Variants in CCDC6 observed in about 807,000 individuals in gnomAD.
CCDC6 encodes coiled-coil domain containing 6.
A neutral mutation model predicts 56.6 loss-of-function variants in CCDC6; 20 were observed. That is an observed-to-expected ratio of 0.35 (90% CI 0.25 to 0.51). The LOEUF is 0.51. Ranked by LOEUF, CCDC6 falls within the 20% of genes least tolerant of loss-of-function variation. The pLI is 0.95. For synonymous variants in CCDC6, 241 were observed against 234.4 expected (o/e 1.03, Z -0.26); for missense variants, 367 against 601.1 (o/e 0.61, Z 4.07).
intron 1 of CCDC6, among the ~76,000 whole-genome samples, chr10:59,875,324 A>T (rs1401829442): frequency 6.6e-6 from 1 of 152,190 alleles, no homozygotes; most frequent in Non-Finnish European, 1.5e-5. Flanking sequence ...AATATATTTA[A>T]AGTCTGGTAG....
chr10:59,804,083 C>T (rs2070599063), intron 7 of CCDC6, among the ~76,000 whole-genome samples: 1 of 152,050 alleles, frequency 6.6e-6, no homozygotes, highest in Admixed American at 6.5e-5. Flanking sequence ...TATGATGCAT[C>T]TTGGAAATCT....
intron 2 of CCDC6, among the ~76,000 whole-genome samples, chr10:59,841,909 C>T (rs901534868): frequency 5.3e-5 from 8 of 151,902 alleles, no homozygotes; most frequent in Admixed American, 1.3e-4. Flanking sequence ...CCTCATGATC[C>T]GCCAGCCTCA....
intron 2 of CCDC6, among the ~76,000 whole-genome samples, chr10:59,834,652 T>G (rs1328946208): frequency 6.6e-6 from 1 of 152,174 alleles, no homozygotes; most frequent in Non-Finnish European, 1.5e-5. Flanking sequence ...CTGTTTTCCT[T>G]CCAACTGTTT....
intron 1 of CCDC6, among the ~76,000 whole-genome samples, chr10:59,867,561 T>G (rs1207849353): frequency 6.6e-6 from 1 of 152,184 alleles, no homozygotes; most frequent in African/African-American, 2.4e-5. Flanking sequence ...GCCAATCATT[T>G]GTTTGTTTCT....
intron 1 of CCDC6, among the ~76,000 whole-genome samples, chr10:59,889,301 G>A (rs1207475246): frequency 1.3e-5 from 2 of 152,212 alleles, no homozygotes; most frequent in Non-Finnish European, 2.9e-5. Context: ...GGCTTCTGAG[G>A]CAGGAGGAAG....
At chr10:59,826,746 T>C (rs2070791586) in intron 3 of CCDC6, among the ~76,000 whole-genome samples, 1 of 152,180 alleles carries the variant, frequency 6.6e-6, no homozygotes, top group African/African-American at 2.4e-5. Flanking sequence ...TGTCCATACC[T>C]GAAGAGACAG....
rs768454502 is a variant in CCDC6, at chr10:59,852,619, G to A, written c.387C>T (p.Thr129=). 12 of 1,602,902 alleles carry A rather than the reference G, an allele frequency of 7.5e-6. No individual in the cohort carries two copies. Among genetic ancestry groups the A allele is most frequent in the East Asian group, 4.5e-5 (2 of 44,402 alleles). Residue 129 remains threonine (T), a synonymous_variant, in exon 2 of 9, where the codon ACC becomes ACT. Transcript: ENST00000263102. ...KIQALQKEKE[T]LAVNYEKEEE... ...CTTCTTTCTCATAATTTACAGCAAGGGTTTCTTTCTCCTTCTGCAAAGCCT... is the reference window on the plus strand; with the variant it reads ...CTTCTTTCTCATAATTTACAGCAAGAGTTTCTTTCTCCTTCTGCAAAGCCT...
chr10:59,902,416 T>C (rs1184955), intron 1 of CCDC6, among the ~76,000 whole-genome samples: 128,362 of 135,688 alleles, frequency 0.95, 61,128 homozygotes, highest in Middle Eastern at 1. Flanking sequence ...TTTTTTGAGA[T>C]GAAGTCTGGC....
intron 2 of CCDC6, among the ~76,000 whole-genome samples, chr10:59,845,245 T>G (rs2070980769): frequency 1.3e-5 from 2 of 152,120 alleles, no homozygotes; most frequent in African/African-American, 2.4e-5. Flanking sequence ...TATCTTTCTT[T>G]TCTTCTACCT....
chr10:59,891,652 C>A (rs1257137878), intron 1 of CCDC6, among the ~76,000 whole-genome samples: 1 of 152,160 alleles, frequency 6.6e-6, no homozygotes, highest in African/African-American at 2.4e-5. Flanking sequence ...GGTGTTCAGA[C>A]AAGTAGCAGA....
intron 1 of CCDC6, among the ~76,000 whole-genome samples, chr10:59,853,616 A>G (rs1023561767): frequency 1.1e-5 from 1 of 89,964 alleles, no homozygotes; most frequent in Non-Finnish European, 2.1e-5. Context: ...TAATTACTAG[A>G]AAAAAAAAAT....
At chr10:59,844,428 A>G (rs77886813) in intron 2 of CCDC6, among the ~76,000 whole-genome samples, 1 of 147,030 alleles carries the variant, frequency 6.8e-6, no homozygotes, top group African/African-American at 2.5e-5. Context: ...AGGAATATTA[A>G]AAAAAAAAAA....
At chr10:59,820,261 C>CA (rs368194013) in intron 3 of CCDC6, among the ~76,000 whole-genome samples, 69 of 151,974 alleles carry the variant, frequency 4.5e-4, no homozygotes, top group African/African-American at 1.5e-3. Context: ...GAACGTTTGG[C>CA]AAAAAAAGCC....
chr10:59,906,004 T>C (rs1008118253), intron 1 of CCDC6, 118 bp downstream of exon 1: 2 of 872,110 alleles, frequency 2.3e-6, no homozygotes, highest in Non-Finnish European at 1.7e-6. Flanking sequence ...GCAGGGAGTG[T>C]GCTCTCAGAG....
At chr10:59,886,585 G>T (rs1017525631) in intron 1 of CCDC6, among the ~76,000 whole-genome samples, 1 of 152,100 alleles carries the variant, frequency 6.6e-6, no homozygotes, top group Non-Finnish European at 1.5e-5. Flanking sequence ...TATACAGAAA[G>T]GTTTTACCAT....
intron 5 of CCDC6, among the ~76,000 whole-genome samples, chr10:59,807,952 T>C (rs1478993295): frequency 2.0e-5 from 3 of 152,230 alleles, no homozygotes; most frequent in Non-Finnish European, 2.9e-5. Flanking sequence ...GAATAGACAT[T>C]GACATAGTAA....
intron 1 of CCDC6, among the ~76,000 whole-genome samples, chr10:59,870,945 T>G (rs138036210): frequency 7.9e-5 from 12 of 152,280 alleles, no homozygotes; most frequent in African/African-American, 2.6e-4. Context: ...CATCAGCAGT[T>G]TAGCCTCTGC....
chr10:59,905,160 G>C (rs1033212997), intron 1 of CCDC6, among the ~76,000 whole-genome samples: 2 of 152,146 alleles, frequency 1.3e-5, no homozygotes, highest in African/African-American at 2.4e-5. Flanking sequence ...GGGATGATAG[G>C]TGAGAGTACA....
intron 3 of CCDC6, among the ~76,000 whole-genome samples, chr10:59,831,882 C>G (rs574308284): frequency 6.6e-6 from 1 of 152,190 alleles, no homozygotes; most frequent in Non-Finnish European, 1.5e-5. Flanking sequence ...AAAGGGATTG[C>G]GTGCTATTAC....
Sources: allele counts gnomAD v4.1 joint callset (sites outside exome capture counted in the v4.1 genomes callset), GRCh38; gene constraint gnomAD v4.1.1; transcripts MANE v1.5; gene names NCBI Gene and HGNC (gene_info 2026-07-23, HGNC 2026-07-21).